MCTP2: variants seen among roughly 807,000 people sequenced by gnomAD.
MCTP2 encodes multiple C2 and transmembrane domain-containing protein 2.
A neutral mutation model predicts 111.6 loss-of-function variants in MCTP2; 132 were observed. The observed-to-expected ratio is 1.18, with a 90% CI of 1.03 to 1.37. MCTP2 has a LOEUF of 1.37. Among genes scored for constraint, MCTP2 ranks in the 40% most tolerant of loss-of-function variants. The pLI, the probability that MCTP2 is intolerant of heterozygous loss-of-function variation, is 0.00. For missense variants in MCTP2, 1,183 were observed against 1,067.9 expected (o/e 1.11, Z -1.50); for synonymous variants, 395 against 387.7 (o/e 1.02, Z -0.22).
intron 1 of MCTP2, among the ~76,000 whole-genome samples, chr15:94,294,910 AC>A (rs1194414053): frequency 1.6e-5 from 2 of 128,102 alleles, no homozygotes; most frequent in African/African-American, 5.7e-5. Flanking sequence ...TTATTTTGAA[AC>A]TTTTTTCTCT....
intron 17 of MCTP2, among the ~76,000 whole-genome samples, chr15:94,415,242 G>C (rs909725624): frequency 6.6e-6 from 1 of 152,040 alleles, no homozygotes; most frequent in Non-Finnish European, 1.5e-5. Context: ...GAAAGGTGAC[G>C]CTCCTTGTCA....
chr15:94,383,394 C>T (rs2080264570), intron 12 of MCTP2, among the ~76,000 whole-genome samples: 1 of 152,212 alleles, frequency 6.6e-6, no homozygotes, highest in South Asian at 2.1e-4. Flanking sequence ...ATTCCCACTC[C>T]TGTGAAATGT....
chr15:94,334,930 G>A (rs932209072), intron 4 of MCTP2, among the ~76,000 whole-genome samples: 7 of 152,148 alleles, frequency 4.6e-5, no homozygotes, highest in African/African-American at 1.4e-4. Flanking sequence ...GAAATAGTAA[G>A]CAGCTTTTCT....
chr15:94,449,519 T>C (rs762597111), intron 19 of MCTP2, among the ~76,000 whole-genome samples: 179 of 152,344 alleles, frequency 1.2e-3, no homozygotes, highest in Admixed American at 3.1e-3. Context: ...ATTTTGCCAA[T>C]GTTTATTGAT....
chr15:94,315,764 G>T, intron 4 of MCTP2, 127 bp downstream of exon 4: 1 of 651,860 alleles, frequency 1.5e-6, no homozygotes, highest in Non-Finnish European at 2.8e-6. Context: ...TCAAATCTAA[G>T]TCTCTCCAGG....
intron 17 of MCTP2, among the ~76,000 whole-genome samples, chr15:94,411,522 A>G (rs1256585003): frequency 6.6e-6 from 1 of 152,094 alleles, no homozygotes; most frequent in Admixed American, 6.5e-5. Flanking sequence ...AGAGCCCAGT[A>G]ATCGTTCTAG....
chr15:94,454,469 C>T (rs1302040269), intron 19 of MCTP2, among the ~76,000 whole-genome samples: 1 of 152,060 alleles, frequency 6.6e-6, no homozygotes, highest in Non-Finnish European at 1.5e-5. Context: ...AAAGATCCAT[C>T]ACATATAAAA....
intron 1 of MCTP2, among the ~76,000 whole-genome samples, chr15:94,254,667 C>G (rs557011817): frequency 1.9e-4 from 29 of 152,322 alleles, no homozygotes; most frequent in Non-Finnish European, 2.9e-4. Context: ...TGCAACTCAG[C>G]TATCTAACGC....
chr15:94,343,509 A>G (rs2077779521), intron 7 of MCTP2: 3 of 152,296 alleles, frequency 2.0e-5, no homozygotes, highest in South Asian at 4.1e-4. Context: ...TATGTACAAA[A>G]TGTTTATGAA....
rs563153643 is a variant in MCTP2, at chr15:94,247,145, G to A, written c.-66+15481G>A. ...AAAAAAGGGCTTAGGAGGTGTGTGC[G>A]TGTGTGTGCGCGTGAGTGCATGTGA... On this transcript the variant is annotated intron_variant, in intron 1 of 22. Transcript: ENST00000357742. 2.6e-4 allele frequency among the ~76,000 whole-genome samples: 40 copies of A among 152,260 alleles called. No homozygotes were observed. The South Asian group carries it at 3.9e-3, about 15-fold the overall frequency.
intron 4 of MCTP2, among the ~76,000 whole-genome samples, chr15:94,337,762 T>C (rs954364709): frequency 4.7e-5 from 7 of 147,466 alleles, no homozygotes; most frequent in Non-Finnish European, 7.5e-5. Context: ...GTTCTCAAAC[T>C]TAAAATGTGA....
intron 2 of MCTP2, among the ~76,000 whole-genome samples, chr15:94,306,132 T>C (rs1244220006): frequency 6.6e-6 from 1 of 152,184 alleles, no homozygotes; most frequent in Admixed American, 6.5e-5. Context: ...GGGGAGGTTA[T>C]TCTGAGCAGG....
At chr15:94,324,270 A>C (rs1478460497) in intron 4 of MCTP2, among the ~76,000 whole-genome samples, 1 of 152,254 alleles carries the variant, frequency 6.6e-6, no homozygotes, top group African/African-American at 2.4e-5. Flanking sequence ...TGCTCAGCTC[A>C]TACCCTGTTG....
intron 8 of MCTP2, among the ~76,000 whole-genome samples, chr15:94,354,952 C>T (rs1367589534): frequency 2.0e-5 from 3 of 152,222 alleles, no homozygotes; most frequent in African/African-American, 7.2e-5. Context: ...GACGATGATG[C>T]TCAGCACCAT....
intron 20 of MCTP2, 65 bp downstream of exon 20, chr15:94,458,311 A>G (rs1051712738): frequency 1.0e-6 from 1 of 962,002 alleles, no homozygotes; most frequent in Admixed American, 1.7e-5. Flanking sequence ...CAGTGGGGTA[A>G]TGGCAGTGGT....
intron 2 of MCTP2, among the ~76,000 whole-genome samples, chr15:94,303,319 C>CA (rs755189074): frequency 1.8e-4 from 27 of 151,752 alleles, no homozygotes; most frequent in Middle Eastern, 6.8e-3. Flanking sequence ...AGGAAGCATC[C>CA]AGCATGGGAG....
In MCTP2 at chr15:94,312,129, C is replaced by T. The variant is rs531885645; in HGVS notation, c.466-2153C>T. 3.9e-5 allele frequency among the ~76,000 whole-genome samples: 6 copies of T among 152,284 alleles called. No individual in the cohort carries two copies. In the East Asian group the frequency reaches 1.2e-3, roughly 29 times the overall value. On this transcript the variant is annotated intron_variant, in intron 2 of 22. Coordinates refer to ENST00000357742, the MANE Select transcript of MCTP2 (RefSeq NM_001385001.1). Reference sequence around the variant, plus strand: ...CTGGAGACCATAGCATGTGATTTTTCAGGCTTCAGAGCATCAGCACCGTTT... The same window carrying T: ...CTGGAGACCATAGCATGTGATTTTTTAGGCTTCAGAGCATCAGCACCGTTT...
Position 94,268,071 on chromosome 15 carries a change from A to T in MCTP2, c.-65-30130A>T, listed in dbSNP as rs374127273. 2.5e-4 allele frequency among the ~76,000 whole-genome samples: 38 copies of T among 150,274 alleles called. No individual in the cohort carries two copies. In the East Asian group the frequency reaches 3.3e-3, roughly 13 times the overall value. On this transcript the variant is annotated intron_variant, in intron 1 of 22. Coordinates refer to ENST00000357742, the MANE Select transcript of MCTP2 (RefSeq NM_001385001.1). ...CAGTAGAGATGAGGTTTTCACTGTG[A>T]TAGCCAGGATGGTCTCAATCTCCTG...
chr15:94,354,221 C>T (rs2078478040), intron 8 of MCTP2, among the ~76,000 whole-genome samples: 1 of 152,048 alleles, frequency 6.6e-6, no homozygotes, highest in Non-Finnish European at 1.5e-5. Context: ...TCTGTCTCAG[C>T]ACCTGCAGAA....
Sources: gnomAD v4.1 joint callset for allele counts (sites outside exome capture counted in the v4.1 genomes callset) on GRCh38, gnomAD v4.1.1 for gene constraint, MANE v1.5 for transcripts, NCBI Gene and HGNC (gene_info 2026-07-23, HGNC 2026-07-21) for gene names.